PCLO: variants seen among roughly 807,000 people sequenced by gnomAD.
PCLO encodes piccolo presynaptic cytomatrix protein, also known as protein piccolo.
In PCLO, 82 loss-of-function variants were observed where a neutral mutation model predicts 427.5. That is an observed-to-expected ratio of 0.19 (90% CI 0.16 to 0.23). The LOEUF is 0.23. Among genes scored for constraint, PCLO ranks in the 10% least tolerant of loss-of-function variants. The probability of loss-of-function intolerance (pLI) is 1.00; values close to 1 mark genes in which losing one functional copy is unlikely to be tolerated. For missense variants in PCLO, 6,239 were observed against 6,115.9 expected (o/e 1.02, Z -0.67); for synonymous variants, 2,357 against 2,155.4 (o/e 1.09, Z -2.59).
In PCLO at chr7:83,105,088, T is replaced by C. The variant is rs145214827; in HGVS notation, c.3300+29162A>G. Reference sequence around the variant, plus strand: ...GATAGAAGTTTAAACTAAGCAAACATTGACTTGAATATAAAATATAGGACA... The same window carrying C: ...GATAGAAGTTTAAACTAAGCAAACACTGACTTGAATATAAAATATAGGACA... On this transcript the variant is annotated intron_variant, in intron 3 of 24. Coordinates refer to ENST00000333891, the MANE Select transcript of PCLO (RefSeq NM_033026.6). Among the ~76,000 whole-genome samples the C allele has an allele frequency of 4.2e-3, 645 of 152,284 alleles. 3 individuals are homozygous for C. The highest frequency in any genetic ancestry group is 0.015 in the African/African-American group (615 of 41,564).
intron 2 of PCLO, among the ~76,000 whole-genome samples, chr7:83,137,837 A>T (rs2116627487): frequency 6.6e-6 from 1 of 152,360 alleles, no homozygotes; most frequent in South Asian, 2.1e-4. Context: ...CAAAATAAAT[A>T]ACTCTTTATA....
Position 83,063,165 on chromosome 7 carries a change from G to T in PCLO, c.3300+71085C>A, listed in dbSNP as rs115663733. Among the ~76,000 whole-genome samples the T allele has an allele frequency of 2.6e-3, 399 of 152,032 alleles. 2 individuals are homozygous for T. Among genetic ancestry groups the T allele is most frequent in the African/African-American group, 9.3e-3 (385 of 41,520 alleles). ...AAGCTTTCTTGGTATAAATTCCTTG[G>T]AAGAAATTGAATAAAATAAATACTA... On this transcript the variant is annotated intron_variant, in intron 3 of 24. Coordinates refer to ENST00000333891, the MANE Select transcript of PCLO (RefSeq NM_033026.6).
intron 10 of PCLO, among the ~76,000 whole-genome samples, chr7:82,865,561 T>C (rs893337474): frequency 4.0e-5 from 6 of 151,612 alleles, no homozygotes; most frequent in Non-Finnish European, 8.8e-5. Flanking sequence ...TACTAAAATA[T>C]ATGGATTTAT....
At chr7:83,069,905 G>A (rs187931396) in intron 3 of PCLO, among the ~76,000 whole-genome samples, 138 of 151,594 alleles carry the variant, frequency 9.1e-4, no homozygotes, top group Middle Eastern at 6.8e-3. Context: ...TTCGAGCCCT[G>A]TGGTGGTTTT....
At chr7:82,912,972 T>A (rs2116250744) in intron 7 of PCLO, among the ~76,000 whole-genome samples, 1 of 152,138 alleles carries the variant, frequency 6.6e-6, no homozygotes, top group East Asian at 1.9e-4. Context: ...GACTATTGGA[T>A]AAACTCTTTA....
intron 20 of PCLO, among the ~76,000 whole-genome samples, chr7:82,809,613 A>G (rs1791527128): frequency 6.6e-6 from 1 of 151,160 alleles, no homozygotes; most frequent in Non-Finnish European, 1.5e-5. Flanking sequence ...AATAATAATA[A>G]TAATACATTA....
In PCLO at chr7:82,821,797, T is replaced by C. The variant is rs562083357; in HGVS notation, c.14791+698A>G. 1.1e-4 allele frequency: 109 copies of C among 981,788 alleles called. 2 individuals are homozygous for C. In the South Asian group the frequency reaches 4.2e-3, roughly 38 times the overall value. The allele number at this position is 981,788 out of a possible 1,614,324, so 60.8% of individuals were successfully genotyped here. ...GACCCAATTGTGCTCCTCAGTGAGG[T>C]TGCATTGCCTTATCACATATGCTTA... On this transcript the variant is annotated intron_variant, in intron 20 of 24. Coordinates refer to ENST00000333891, the MANE Select transcript of PCLO (RefSeq NM_033026.6).
In PCLO at chr7:82,952,577, A is replaced by C; in HGVS notation, c.8376T>G (p.Thr2792=). ...TGCATGTGACAAAGGTCACTGTCTC[A>C]GTGGCCAGAGATACAGGAGTCACTA... ...SSIVTPVSLA[T]ETVTFVTCTA... The change falls in exon 5 of 25, where the codon ACT becomes ACG. Residue 2792 remains threonine (T), a synonymous_variant. Transcript: ENST00000333891. 1 of 1,613,972 alleles carries C rather than the reference A, an allele frequency of 6.2e-7. No individual in the cohort carries two copies.
At chr7:83,104,963 T>G (rs1202909709) in intron 3 of PCLO, among the ~76,000 whole-genome samples, 3 of 92,580 alleles carry the variant, frequency 3.2e-5, no homozygotes, top group Non-Finnish European at 6.0e-5. Flanking sequence ...AGGCAGAAAT[T>G]CAAGATCAGA....
At chr7:82,792,900 T>G (rs1171098145) in intron 22 of PCLO, among the ~76,000 whole-genome samples, 4 of 152,212 alleles carry the variant, frequency 2.6e-5, no homozygotes, top group Admixed American at 1.3e-4. Flanking sequence ...AAACTAACAT[T>G]TGGAATTTAT....
intron 24 of PCLO, 131 bp downstream of exon 24, chr7:82,760,508 C>T (rs1790407744): frequency 5.7e-6 from 3 of 521,824 alleles, no homozygotes; most frequent in African/African-American, 2.0e-5. Context: ...TGGGGAGATA[C>T]TGCTGAAAAT....
chr7:83,120,978 T>C (rs1791262496), intron 3 of PCLO, among the ~76,000 whole-genome samples: 1 of 152,162 alleles, frequency 6.6e-6, no homozygotes, highest in Non-Finnish European at 1.5e-5. Flanking sequence ...AAACTACTTA[T>C]AACTTGAGTA....
At chr7:83,092,605 A>G (rs1584011470) in intron 3 of PCLO, among the ~76,000 whole-genome samples, 1 of 152,246 alleles carries the variant, frequency 6.6e-6, no homozygotes, top group South Asian at 2.1e-4. Context: ...GTGGAAGAGT[A>G]GTGATCCCTA....
chr7:82,905,110 A>C (rs1335340991), intron 8 of PCLO, among the ~76,000 whole-genome samples: 1 of 152,038 alleles, frequency 6.6e-6, no homozygotes, highest in Admixed American at 6.6e-5. Flanking sequence ...CAAGGGGCAG[A>C]ACTGATGTCA....
At chr7:83,066,995 A>G (rs556259013) in intron 3 of PCLO, among the ~76,000 whole-genome samples, 9 of 152,324 alleles carry the variant, frequency 5.9e-5, no homozygotes, top group African/African-American at 1.4e-4. Context: ...AATTTCACAC[A>G]TAAGTACTTA....
intron 21 of PCLO, 83 bp from the exon 22 acceptor site, chr7:82,801,674 C>A: frequency 1.2e-6 from 1 of 808,278 alleles, no homozygotes; most frequent in Non-Finnish European, 2.0e-6. Context: ...AATAAAATGA[C>A]ATTGATAGTA....
intron 10 of PCLO, among the ~76,000 whole-genome samples, chr7:82,865,974 T>C (rs570519599): frequency 6.6e-6 from 1 of 152,254 alleles, no homozygotes; most frequent in South Asian, 2.1e-4. Context: ...TAAGTACACG[T>C]TAAAGTCCTT....
At chr7:82,847,068 C>T in intron 11 of PCLO, 71 bp downstream of exon 11, 3 of 766,034 alleles carry the variant, frequency 3.9e-6, no homozygotes, top group Non-Finnish European at 6.5e-6. Context: ...AAGGTTCCAC[C>T]TTAACAATTT....
intron 3 of PCLO, among the ~76,000 whole-genome samples, chr7:83,000,632 T>C (rs1260574616): frequency 6.6e-6 from 1 of 151,860 alleles, no homozygotes; most frequent in Admixed American, 6.6e-5. Context: ...CACAGTAGGG[T>C]TCACACTCCT....
Sources: allele counts gnomAD v4.1 joint callset (sites outside exome capture counted in the v4.1 genomes callset), GRCh38; gene constraint gnomAD v4.1.1; transcripts MANE v1.5; gene names NCBI Gene and HGNC (gene_info 2026-07-23, HGNC 2026-07-21).